The following SUPT20H variants were observed in gnomAD, a reference collection of about 807,000 sequenced individuals.
SUPT20H encodes SPT20 homolog, SAGA complex component.
Under a neutral mutation model 122.8 loss-of-function variants are expected in SUPT20H, and 82 were observed. The ratio of observed to expected loss-of-function variants is 0.67; its 90% CI spans 0.56 to 0.80. SUPT20H has a LOEUF of 0.80. Ranked by LOEUF, SUPT20H falls within the 30% of genes least tolerant of loss-of-function variation. The pLI is 0.00. For synonymous variants in SUPT20H, 291 were observed against 313.0 expected (o/e 0.93, Z 0.74); for missense variants, 831 against 921.6 (o/e 0.90, Z 1.27).
At chr13:37,056,691 A>G (rs1202187878) in intron 1 of SUPT20H, among the ~76,000 whole-genome samples, 2 of 152,030 alleles carry the variant, frequency 1.3e-5, no homozygotes, top group African/African-American at 4.8e-5. Context: ...GGTGCAGCAC[A>G]CCAACATGGC....
chr13:37,036,128 C>G (rs2064340951), intron 9 of SUPT20H, among the ~76,000 whole-genome samples: 1 of 152,148 alleles, frequency 6.6e-6, no homozygotes, highest in African/African-American at 2.4e-5. Flanking sequence ...AATATCCAGG[C>G]AATACCTTCC....
intron 1 of SUPT20H, among the ~76,000 whole-genome samples, chr13:37,055,686 C>G (rs1231991066): frequency 1.3e-5 from 2 of 152,182 alleles, no homozygotes; most frequent in Non-Finnish European, 2.9e-5. Flanking sequence ...CTAGGCAATA[C>G]CATTCAGGAC....
chr13:37,016,444 A>C (rs1290274060), intron 23 of SUPT20H, among the ~76,000 whole-genome samples: 1 of 147,562 alleles, frequency 6.8e-6, no homozygotes, highest in East Asian at 2.0e-4. Context: ...AAAAAAAAAA[A>C]GTTAAAATGG....
chr13:37,058,915 C>T (rs1273150541), intron 1 of SUPT20H, among the ~76,000 whole-genome samples: 1 of 152,186 alleles, frequency 6.6e-6, no homozygotes, highest in African/African-American at 2.4e-5. Flanking sequence ...GTACTCGACT[C>T]CGAAAATCCT....
At chr13:37,036,493 T>C (rs888473597) in intron 9 of SUPT20H, among the ~76,000 whole-genome samples, 1 of 152,090 alleles carries the variant, frequency 6.6e-6, no homozygotes, top group African/African-American at 2.4e-5. Flanking sequence ...TCCAGCTAAT[T>C]TCTGTATTTT....
chr13:37,035,195 T>A (rs2064107542), intron 9 of SUPT20H, among the ~76,000 whole-genome samples: 1 of 152,204 alleles, frequency 6.6e-6, no homozygotes, highest in African/African-American at 2.4e-5. Context: ...TTAGCTGCCA[T>A]AGATAGTGAT....
In SUPT20H at chr13:37,020,217, T is replaced by A. The variant is rs1566146900; in HGVS notation, c.1817-820A>T. Among the ~76,000 whole-genome samples the A allele has an allele frequency of 2.6e-5, 4 of 151,966 alleles. No individual in the cohort carries two copies. The South Asian group carries it at 8.3e-4, about 32-fold the overall frequency. On this transcript the variant is annotated intron_variant, in intron 21 of 25. Transcript: ENST00000350612. Reference sequence around the variant, plus strand: ...TCTCTATCATATCATTTTTTTTTTTTAAAGATTTAAGGGAAGAAATGCACA... The same window carrying A: ...TCTCTATCATATCATTTTTTTTTTTAAAAGATTTAAGGGAAGAAATGCACA...
intron 2 of SUPT20H, 73 bp from the exon 3 acceptor site, chr13:37,048,672 T>A (rs2066988216): frequency 1.5e-6 from 2 of 1,306,142 alleles, no homozygotes; most frequent in Non-Finnish European, 2.1e-6. Context: ...ATTTAACATT[T>A]CTAATGTTTT....
rs1294398528 is a variant in SUPT20H, at chr13:37,024,186, A to G, written c.1440T>C (p.Tyr480=). The change falls in exon 19 of 26, where the codon TAT becomes TAC. Residue 480 remains tyrosine (Y), a synonymous_variant. Coordinates refer to ENST00000350612, the MANE Select transcript of SUPT20H (RefSeq NM_001014286.3). ...AGCTGCTTGTCTGTTGTGGTGTAAA[A>G]TAGTTACCTAGAAGAACATAAAAGT... ...SSSGNSSSGN[Y]FTPQQTSSFL... 6 of 1,610,770 alleles carry G rather than the reference A, an allele frequency of 3.7e-6. No homozygotes were observed. Among genetic ancestry groups the G allele is most frequent in the Admixed American group, 1.7e-5 (1 of 59,276 alleles).
chr13:37,058,004 G>T (rs1391480635), intron 1 of SUPT20H, among the ~76,000 whole-genome samples: 1 of 151,366 alleles, frequency 6.6e-6, no homozygotes, highest in Non-Finnish European at 1.5e-5. Context: ...GTTGGCTGGG[G>T]CGGTGGCTCA....
chr13:37,017,110 C>G, intron 23 of SUPT20H, 135 bp downstream of exon 23: 3 of 1,227,610 alleles, frequency 2.4e-6, no homozygotes, highest in South Asian at 2.6e-5. Flanking sequence ...CACCCAATAG[C>G]TGATTGCTAC....
chr13:37,059,414 C>G (rs1340421450), intron 1 of SUPT20H, 145 bp downstream of exon 1: 1 of 152,360 alleles, frequency 6.6e-6, no homozygotes, highest in Non-Finnish European at 1.5e-5. Flanking sequence ...CAACCTCCGC[C>G]CCGGCCTGCC....
Position 37,009,431 on chromosome 13 carries a change from C to T in SUPT20H, c.*241G>A, listed in dbSNP as rs540927550. ...TTTCTATTATTTCTTAGGTCACTTC[C>T]ATATATATTATGTATAGTGAAACCA... On this transcript the variant is annotated 3_prime_UTR_variant, in exon 26 of 26. Transcript: ENST00000350612. 1.4e-6 allele frequency: 1 copy of T among 736,840 alleles called. No homozygotes were observed. Among genetic ancestry groups the T allele is most frequent in the African/African-American group, 1.8e-5 (1 of 56,206 alleles). 45.6% of individuals were successfully genotyped at this position (736,840 alleles called of 1,614,324 possible). A position where few individuals can be genotyped will look rare whatever the true frequency, so the allele number is the denominator to read the frequency against.
intron 15 of SUPT20H, among the ~76,000 whole-genome samples, chr13:37,026,572 GAACT>G (rs1489918674): frequency 6.6e-6 from 1 of 151,992 alleles, no homozygotes; most frequent in African/African-American, 2.4e-5. Context: ...CAAAATCACT[GAACT>G]AACATGTGCA....
intron 1 of SUPT20H, chr13:37,056,986 A>C (rs985202128): frequency 6.6e-6 from 1 of 152,232 alleles, no homozygotes; most frequent in African/African-American, 2.4e-5. Flanking sequence ...TGCCTAGCAA[A>C]GGATGGTGCG....
chr13:37,048,709 T>C, intron 2 of SUPT20H, 110 bp from the exon 3 acceptor site: 1 of 912,274 alleles, frequency 1.1e-6, no homozygotes, highest in Non-Finnish European at 1.6e-6. Context: ...ATATTTTCCT[T>C]TATTTGTCTC....
At position 37,040,709 on chromosome 13, in the gene SUPT20H, A is replaced by G. The variant is rs757890957; in HGVS notation, c.397-17T>C. On this transcript the variant is annotated splice_polypyrimidine_tract_variant and intron_variant, in intron 7 of 25. Transcript: ENST00000350612. ...AATATTAACCTGTTTGGGCAAAAAT[A>G]CGTAAACGTCATTTTTTTTTCCAAA... 6.3e-7 allele frequency: 1 copy of G among 1,594,032 alleles called. No homozygotes were observed. The highest frequency in any genetic ancestry group is 1.3e-5 in the African/African-American group (1 of 74,448).
Position 37,009,536 on chromosome 13 carries a change from T to C in SUPT20H, c.*136A>G. ...CTGTTTTTATTTAAAAATGATAAGG[T>C]TGTGCTTCTGTATAAAGTTTGTACA... On this transcript the variant is annotated 3_prime_UTR_variant, in exon 26 of 26. Coordinates refer to ENST00000350612, the MANE Select transcript of SUPT20H (RefSeq NM_001014286.3). The C allele has an allele frequency of 3.6e-6, 4 of 1,101,656 alleles. No individual in the cohort carries two copies. In the South Asian group the frequency reaches 5.5e-5, roughly 15 times the overall value. The allele number at this position is 1,101,656 out of a possible 1,614,324, so 68.2% of individuals were successfully genotyped here.
intron 1 of SUPT20H, among the ~76,000 whole-genome samples, chr13:37,056,062 GAGATACCATCTCACACCAGTT>G (rs1483327549): frequency 2.6e-5 from 4 of 152,200 alleles, no homozygotes; most frequent in African/African-American, 9.7e-5. Flanking sequence ...AAACCACAAT[GAGATACCATCTCACACCAGTT>G]AGAATAGCGA....
Sources: allele counts gnomAD v4.1 joint callset (sites outside exome capture counted in the v4.1 genomes callset), GRCh38; gene constraint gnomAD v4.1.1; transcripts MANE v1.5; gene names NCBI Gene and HGNC (gene_info 2026-07-23, HGNC 2026-07-21).